Variants in FAM180A observed in about 807,000 individuals in gnomAD.
The protein encoded by FAM180A is protein FAM180A.
In FAM180A, 14 loss-of-function variants were observed where a neutral mutation model predicts 15.3. The ratio of observed to expected loss-of-function variants is 0.92; its 90% confidence interval spans 0.61 to 1.43. The LOEUF (loss-of-function observed/expected upper bound fraction) is 1.43, where lower values mean the gene tolerates loss of function less well. Among genes scored for constraint, FAM180A ranks in the 40% most tolerant of loss-of-function variants. The pLI, the probability that FAM180A is intolerant of heterozygous loss-of-function variation, is 0.00. For synonymous variants in FAM180A, 90 were observed against 96.8 expected, an observed-to-expected ratio of 0.93 and a Z score of 0.41; for missense variants, 200 against 220.8, an observed-to-expected ratio of 0.91 and a Z score of 0.60.
At chr7:135,733,595 T>A in intron 3 of FAM180A, 51 bp downstream of exon 3, 2 of 947,390 alleles carry the variant, frequency 2.1e-6, no homozygotes, top group Non-Finnish European at 2.5e-6. Flanking sequence ...AATCCTCCTG[T>A]CTCAGCCTCC....
At chr7:135,748,282 T>C (rs1797059769) in intron 1 of FAM180A, among the ~76,000 whole-genome samples, 1 of 152,092 alleles carries the variant, frequency 6.6e-6, no homozygotes, top group Admixed American at 6.5e-5. Context: ...ACTCTCTGGG[T>C]TCTCCACCTC....
In FAM180A at chr7:135,733,844, T is replaced by C. The variant is rs1796828047; in HGVS notation, c.*131A>G. On this transcript the variant is annotated 3_prime_UTR_variant, in exon 3 of 4. Transcript: ENST00000338588. The stretch of plus-strand genomic sequence containing the variant: ...AAGGAGAAAAGAGCATCGGGGTTAC[T>C]GTTTGATCTCTGCTGCTCTGTGTCA... 2.8e-6 allele frequency: 4 copies of C among 1,415,154 alleles called. No homozygotes were observed. Among genetic ancestry groups the C allele is most frequent in the African/African-American group, 1.4e-5 (1 of 69,168 alleles). The allele number at this position is 1,415,154 out of a possible 1,614,324, so 87.7% of individuals were successfully genotyped here.
intron 1 of FAM180A, among the ~76,000 whole-genome samples, chr7:135,739,159 A>G (rs890545387): frequency 6.6e-6 from 1 of 151,724 alleles, no homozygotes; most frequent in Non-Finnish European, 1.5e-5. Context: ...AAAATACAAA[A>G]GTTAGCTGGG....
At chr7:135,731,195 G>C (rs529221531) in intron 3 of FAM180A, among the ~76,000 whole-genome samples, 52 of 152,148 alleles carry the variant, frequency 3.4e-4, no homozygotes, top group African/African-American at 1.2e-3. Flanking sequence ...GTGGAGCCTC[G>C]GGGCGGGATA....
At chr7:135,745,770 T>C (rs1797024432) in intron 1 of FAM180A, among the ~76,000 whole-genome samples, 1 of 121,082 alleles carries the variant, frequency 8.3e-6, no homozygotes. Context: ...CACGGGGTAG[T>C]GGTGGGGCTG....
chr7:135,731,156 A>T (rs955033476), intron 3 of FAM180A, among the ~76,000 whole-genome samples: 1 of 152,140 alleles, frequency 6.6e-6, no homozygotes, highest in African/African-American at 2.4e-5. Context: ...TCTGAGTACA[A>T]GAAAGCTTTC....
intron 2 of FAM180A, among the ~76,000 whole-genome samples, chr7:135,736,115 C>T (rs1038538953): frequency 3.3e-5 from 5 of 151,916 alleles, no homozygotes; most frequent in Non-Finnish European, 4.4e-5. Context: ...CTCCACCTCC[C>T]GGGTTCCAGT....
intron 3 of FAM180A, among the ~76,000 whole-genome samples, chr7:135,733,343 A>ATTTATT (rs939465844): frequency 2.0e-5 from 3 of 151,940 alleles, no homozygotes; most frequent in Middle Eastern, 6.8e-3. Context: ...TCTTTTTTAA[A>ATTTATT]TTTATTTTTA....
At chr7:135,731,809 A>G (rs1191602003) in intron 3 of FAM180A, among the ~76,000 whole-genome samples, 1 of 152,212 alleles carries the variant, frequency 6.6e-6, no homozygotes, top group Non-Finnish European at 1.5e-5. Flanking sequence ...TGCGGCTAGC[A>G]CTGCTATGCA....
intron 1 of FAM180A, among the ~76,000 whole-genome samples, 153 bp from the exon 2 acceptor site, chr7:135,737,352 C>T (rs890878042): frequency 2.0e-5 from 3 of 152,060 alleles, no homozygotes; most frequent in South Asian, 2.1e-4. Context: ...TTTGGGAGGC[C>T]GAGGCGGGCG....
At chr7:135,737,517 G>A (rs1187152670) in intron 1 of FAM180A, among the ~76,000 whole-genome samples, 2 of 150,998 alleles carry the variant, frequency 1.3e-5, no homozygotes, top group African/African-American at 4.9e-5. Context: ...AACTCAGGAG[G>A]TGGAGGTTGC....
intron 1 of FAM180A, among the ~76,000 whole-genome samples, chr7:135,743,750 T>C (rs1021254448): frequency 6.6e-6 from 1 of 152,218 alleles, no homozygotes; most frequent in Non-Finnish European, 1.5e-5. Context: ...CTAGAGGGTA[T>C]GGGATTTTGT....
At chr7:135,732,382 C>T (rs1326432072) in intron 3 of FAM180A, among the ~76,000 whole-genome samples, 1 of 152,158 alleles carries the variant, frequency 6.6e-6, no homozygotes, top group African/African-American at 2.4e-5. Flanking sequence ...TTATCCAACT[C>T]CTTCATTAGA....
In FAM180A at chr7:135,734,010, A is replaced by T; in HGVS notation, c.487T>A (p.Leu163Met). The T allele has an allele frequency of 6.2e-7, 1 of 1,612,672 alleles. No individual in the cohort carries two copies. The highest frequency in any genetic ancestry group is 1.1e-5 in the South Asian group (1 of 90,784). ...ACTCCCGGCTGTGAGGAGCGCATCA[A>T]GTCGTGCCTCAGGGCCTGGAAGAGG... is the stretch of plus-strand genomic sequence containing the variant. ...VSLFQALRHD[L>M]MRSSQPGVPP The change falls in exon 3 of 4, where the codon TTG (leucine) becomes ATG (methionine). Residue 163 changes from leucine to methionine, a missense_variant. Transcript: ENST00000338588.
Position 135,729,991 on chromosome 7 carries a change from A to C in FAM180A, c.*620T>G. On this transcript the variant is annotated 3_prime_UTR_variant, in exon 4 of 4. Transcript: ENST00000338588. Reference sequence around the variant, plus strand: ...TGCTTAAAAATGGTTAAGATGGTACATTTTACCTGATGTGTTTTTTACCAC... The same window carrying C: ...TGCTTAAAAATGGTTAAGATGGTACCTTTTACCTGATGTGTTTTTTACCAC... 1.0e-6 allele frequency: 1 copy of C among 964,846 alleles called. No individual in the cohort carries two copies. Among genetic ancestry groups the C allele is most frequent in the Non-Finnish European group, 1.2e-6 (1 of 811,236 alleles). The allele number at this position is 964,846 out of a possible 1,614,324, so 59.8% of individuals were successfully genotyped here. A position where few individuals can be genotyped will look rare whatever the true frequency, so the allele number is the denominator to read the frequency against.
In FAM180A at chr7:135,729,762, A is replaced by G; in HGVS notation, c.*849T>C. The G allele has an allele frequency of 1.0e-6, 1 of 985,212 alleles. No homozygotes were observed. The highest frequency in any genetic ancestry group is 1.2e-6 in the Non-Finnish European group (1 of 829,822). The allele number at this position is 985,212 out of a possible 1,614,324, so 61.0% of individuals were successfully genotyped here. A position where few individuals can be genotyped will look rare whatever the true frequency, so the allele number is the denominator to read the frequency against. ...CAGAATACAATGCTCAAGAAATGTA[A>G]GCCAGATCCCGCTTGTATGAGGTAT... On this transcript the variant is annotated 3_prime_UTR_variant, in exon 4 of 4. Coordinates refer to ENST00000338588, the MANE Select transcript of FAM180A (RefSeq NM_205855.4).
At chr7:135,737,015 G>A in intron 2 of FAM180A, 84 bp downstream of exon 2, 1 of 1,064,666 alleles carries the variant, frequency 9.4e-7, no homozygotes, top group Non-Finnish European at 1.4e-6. Flanking sequence ...GGGGCTGAGG[G>A]GTCACTTCTC....
intron 3 of FAM180A, among the ~76,000 whole-genome samples, chr7:135,731,202 G>A (rs114721597): frequency 6.6e-6 from 1 of 151,988 alleles, no homozygotes; most frequent in East Asian, 1.9e-4. Flanking sequence ...CTCGGGGCGG[G>A]ATACAAGACT....
chr7:135,735,796 G>C (rs887166062), intron 2 of FAM180A, among the ~76,000 whole-genome samples: 1 of 152,044 alleles, frequency 6.6e-6, no homozygotes, highest in Non-Finnish European at 1.5e-5. Context: ...TCCACCTCCC[G>C]GGTTCAAGTG....
Sources: gnomAD v4.1 joint callset for allele counts (sites outside exome capture counted in the v4.1 genomes callset) on GRCh38, gnomAD v4.1.1 for gene constraint, MANE v1.5 for transcripts, NCBI Gene and HGNC (gene_info 2026-07-23, HGNC 2026-07-21) for gene names.